The following CARMIL1 variants were observed in gnomAD, a reference collection of about 807,000 sequenced individuals.
CARMIL1 encodes the protein F-actin-uncapping protein LRRC16A.
CARMIL1 carries 90 observed loss-of-function variants against 177.1 expected under a neutral mutation model. The ratio of observed to expected loss-of-function variants is 0.51; its 90% confidence interval spans 0.43 to 0.61. CARMIL1 has a LOEUF of 0.61. Among genes scored for constraint, CARMIL1 ranks in the 20% least tolerant of loss-of-function variants. CARMIL1 has a pLI of 0.00. For missense variants in CARMIL1, 1,380 were observed against 1,667.0 expected (o/e 0.83, Z 3.00); for synonymous variants, 577 against 606.2 (o/e 0.95, Z 0.71).
chr6:25,363,961 A>G (rs1413563762), intron 2 of CARMIL1, among the ~76,000 whole-genome samples: 2 of 150,814 alleles, frequency 1.3e-5, no homozygotes, highest in Non-Finnish European at 3.0e-5. Context: ...TCTTTTTTTG[A>G]GACAGGGTCT....
intron 2 of CARMIL1, among the ~76,000 whole-genome samples, chr6:25,385,942 T>C (rs983748684): frequency 2.0e-5 from 3 of 152,222 alleles, no homozygotes; most frequent in South Asian, 2.1e-4. Flanking sequence ...AAGAAGGTGA[T>C]GAAATTAATA....
chr6:25,553,057 AAAAAACTAGTACT>A (rs1257558373), intron 27 of CARMIL1, among the ~76,000 whole-genome samples: 1 of 152,186 alleles, frequency 6.6e-6, no homozygotes, highest in Non-Finnish European at 1.5e-5. Flanking sequence ...TACTCTAAGT[AAAAAACTAGTACT>A]TCTATTCAGA....
intron 31 of CARMIL1, among the ~76,000 whole-genome samples, chr6:25,584,624 T>A (rs1813468521): frequency 6.6e-6 from 1 of 151,860 alleles, no homozygotes; most frequent in African/African-American, 2.4e-5. Flanking sequence ...AAGTGGATAG[T>A]TACAGAGAAG....
chr6:25,421,756 A>G (rs998072402), intron 3 of CARMIL1, among the ~76,000 whole-genome samples: 62 of 150,898 alleles, frequency 4.1e-4, no homozygotes, highest in African/African-American at 1.4e-3. Context: ...CATTCTCAGT[A>G]AACTATCACA....
At chr6:25,566,391 GC>G (rs1235608662) in intron 29 of CARMIL1, among the ~76,000 whole-genome samples, 2 of 152,080 alleles carry the variant, frequency 1.3e-5, no homozygotes, top group African/African-American at 4.8e-5. Flanking sequence ...TGCTTTTCTT[GC>G]TTTTCCCTAG....
chr6:25,609,618 G>A (rs1816333705), intron 35 of CARMIL1, among the ~76,000 whole-genome samples: 1 of 152,140 alleles, frequency 6.6e-6, no homozygotes, highest in South Asian at 2.1e-4. Flanking sequence ...ATATATGCAT[G>A]CATGCATGCA....
At chr6:25,589,330 G>C (rs987047130) in intron 31 of CARMIL1, among the ~76,000 whole-genome samples, 1 of 152,156 alleles carries the variant, frequency 6.6e-6, no homozygotes, top group African/African-American at 2.4e-5. Flanking sequence ...AACAATATTT[G>C]TGGGCCAAAT....
At chr6:25,414,626 T>C (rs997820861) in intron 2 of CARMIL1, among the ~76,000 whole-genome samples, 4 of 152,194 alleles carry the variant, frequency 2.6e-5, no homozygotes, top group Non-Finnish European at 5.9e-5. Flanking sequence ...TCGGTTTGTG[T>C]TGATAAAACA....
intron 10 of CARMIL1, 53 bp from the exon 11 acceptor site, chr6:25,472,373 GT>G (rs1801163420): frequency 1.6e-6 from 2 of 1,217,650 alleles, no homozygotes; most frequent in Non-Finnish European, 1.2e-6. Flanking sequence ...TAAATGTTCC[GT>G]TCGAATGGTT....
At chr6:25,400,004 C>T (rs557353593) in intron 2 of CARMIL1, among the ~76,000 whole-genome samples, 5 of 152,204 alleles carry the variant, frequency 3.3e-5, no homozygotes, top group East Asian at 3.9e-4. Context: ...TCTGATAATT[C>T]GCTCCAAATC....
At chr6:25,367,786 C>T (rs1412374162) in intron 2 of CARMIL1, among the ~76,000 whole-genome samples, 2 of 152,148 alleles carry the variant, frequency 1.3e-5, no homozygotes, top group African/African-American at 2.4e-5. Flanking sequence ...CCCGACGGAG[C>T]CTCGGTCTGT....
chr6:25,536,100 A>T (rs762996179), intron 24 of CARMIL1, among the ~76,000 whole-genome samples: 1 of 152,164 alleles, frequency 6.6e-6, no homozygotes, highest in Non-Finnish European at 1.5e-5. Flanking sequence ...CCTCATCCAC[A>T]TGCCTCTCAA....
intron 31 of CARMIL1, 65 bp from the exon 32 acceptor site, chr6:25,594,350 C>A: frequency 9.8e-7 from 1 of 1,023,916 alleles, no homozygotes; most frequent in Non-Finnish European, 1.5e-6. Context: ...TGTCTTAAAT[C>A]TAGTAATAAA....
At chr6:25,538,050 G>C in intron 25 of CARMIL1, 67 bp downstream of exon 25, 2 of 1,488,974 alleles carry the variant, frequency 1.3e-6, no homozygotes, top group Non-Finnish European at 1.8e-6. Flanking sequence ...TTTAGTTTTA[G>C]AAACCAGTTT....
At chr6:25,433,009 GAA>G (rs1796948176) in intron 4 of CARMIL1, 1 of 152,206 alleles carries the variant, frequency 6.6e-6, no homozygotes, top group South Asian at 2.1e-4. Context: ...AAGTGGGAGG[GAA>G]AAGAGTATTT....
At chr6:25,432,133 G>GT (rs897569608) in intron 4 of CARMIL1, among the ~76,000 whole-genome samples, 8 of 152,020 alleles carry the variant, frequency 5.3e-5, no homozygotes, top group African/African-American at 1.7e-4. Context: ...GTGGACGTTT[G>GT]TTTTTTTAAC....
At position 25,374,245 on chromosome 6, in the gene CARMIL1, T is replaced by C. The variant is rs142279402; in HGVS notation, c.139-45869T>C. Among the ~76,000 whole-genome samples, 743 of 152,332 alleles carry C rather than the reference T, an allele frequency of 4.9e-3. 6 individuals carry two copies. The highest frequency in any genetic ancestry group is 0.017 in the African/African-American group (701 of 41,582). Reference sequence around the variant, plus strand: ...ATGATGTGTATCACTATTATTCATTTTGAAATATTTCTTAATATCCATCTT... The same window carrying C: ...ATGATGTGTATCACTATTATTCATTCTGAAATATTTCTTAATATCCATCTT... On this transcript the variant is annotated intron_variant, in intron 2 of 36. Transcript: ENST00000329474.
chr6:25,469,181 T>C (rs950122985), intron 9 of CARMIL1, among the ~76,000 whole-genome samples: 14 of 152,204 alleles, frequency 9.2e-5, no homozygotes, highest in African/African-American at 3.4e-4. Context: ...CCAGCAATAG[T>C]GTAAAAGTGG....
intron 9 of CARMIL1, among the ~76,000 whole-genome samples, chr6:25,469,243 C>T (rs888967184): frequency 2.0e-5 from 3 of 152,178 alleles, no homozygotes; most frequent in Non-Finnish European, 2.9e-5. Context: ...GAGAGCCTTA[C>T]ATGCTGTGGT....
Sources: allele counts gnomAD v4.1 joint callset (sites outside exome capture counted in the v4.1 genomes callset), GRCh38; gene constraint gnomAD v4.1.1; transcripts MANE v1.5; gene names NCBI Gene and HGNC (gene_info 2026-07-23, HGNC 2026-07-21).